PLCH1: variants seen among roughly 807,000 people sequenced by gnomAD.
PLCH1 encodes 1-phosphatidylinositol 4,5-bisphosphate phosphodiesterase eta-1.
A neutral mutation model predicts 126.7 loss-of-function variants in PLCH1; 60 were observed. That is an observed-to-expected ratio of 0.47 (90% CI 0.38 to 0.59). The LOEUF (loss-of-function observed/expected upper bound fraction) is 0.59. Ranked by LOEUF, PLCH1 falls within the 20% of genes least tolerant of loss-of-function variation. The pLI, the probability that PLCH1 is intolerant of heterozygous loss-of-function variation, is 0.00. For missense variants in PLCH1, 1,723 were observed against 2,040.0 expected (o/e 0.84, Z 2.99); for synonymous variants, 719 against 734.9 (o/e 0.98, Z 0.35).
At chr3:155,476,106 T>A (rs1020607347), downstream of PLCH1, among the ~76,000 whole-genome samples, 1 of 152,104 alleles carries the variant, frequency 6.6e-6, no homozygotes, top group Non-Finnish European at 1.5e-5. Context: ...AGAAAGATCA[T>A]TCATTATGAC....
At chr3:155,535,736 C>G (rs929256402) in intron 10 of PLCH1, among the ~76,000 whole-genome samples, 1 of 152,204 alleles carries the variant, frequency 6.6e-6, no homozygotes, top group Non-Finnish European at 1.5e-5. Flanking sequence ...CTCTTGGGAG[C>G]TCTATGGCCC....
intron 10 of PLCH1, among the ~76,000 whole-genome samples, chr3:155,539,784 G>C (rs934788930): frequency 1.3e-5 from 2 of 152,128 alleles, no homozygotes; most frequent in African/African-American, 4.8e-5. Flanking sequence ...AGGATGGGTA[G>C]AATCAATATT....
chr3:155,482,605 T>C lies in PLCH1; in HGVS notation c.3421A>G (p.Thr1141Ala). 1 of 1,614,216 alleles carries C rather than the reference T, an allele frequency of 6.2e-7. No individual in the cohort carries two copies. Among genetic ancestry groups the C allele is most frequent in the Non-Finnish European group, 8.5e-7 (1 of 1,180,034 alleles). ...GAGACGTCTGACAAAGAAAAGGATGTTGCAGCTCGGCCCTTACCCCTATTA... is the reference window on the plus strand; with the variant it reads ...GAGACGTCTGACAAAGAAAAGGATGCTGCAGCTCGGCCCTTACCCCTATTA... ...EGNRGKGRAA[T>A]SFSLSDVSML... Residue 1141 changes from threonine (T) to alanine (A), a missense_variant, in exon 23 of 23, where the codon ACA becomes GCA. Thr to Ala is a moderately conservative substitution (Grantham distance 58, BLOSUM62 0). Transcript: ENST00000460012.
chr3:155,670,759 T>C (rs17347992), intron 2 of PLCH1, among the ~76,000 whole-genome samples: 11,037 of 152,196 alleles, frequency 0.073, 426 homozygotes, highest in Middle Eastern at 0.11. Flanking sequence ...AAACTTACCA[T>C]GTTCTCACCT....
At chr3:155,713,989 CCTT>C (rs1747335018) in intron 1 of PLCH1, among the ~76,000 whole-genome samples, 3 of 152,264 alleles carry the variant, frequency 2.0e-5, no homozygotes, top group Middle Eastern at 6.8e-3. Context: ...GTGCTCATTT[CCTT>C]CTTCTTAAGC....
chr3:155,661,271 T>C (rs1314973866), intron 2 of PLCH1, among the ~76,000 whole-genome samples: 1 of 151,644 alleles, frequency 6.6e-6, no homozygotes, highest in Non-Finnish European at 1.5e-5. Flanking sequence ...GAGAGAGAGG[T>C]TGAACAGAGC....
At chr3:155,627,644 A>AC (rs11380002) in intron 2 of PLCH1, among the ~76,000 whole-genome samples, 3 of 151,104 alleles carry the variant, frequency 2.0e-5, no homozygotes, top group African/African-American at 4.9e-5. Flanking sequence ...AAAAAAAAAA[A>AC]AACAAATTGA....
Position 155,568,288 on chromosome 3 carries a change from T to C in PLCH1, c.808A>G (p.Ile270Val). 1 of 1,552,720 alleles carries C rather than the reference T, an allele frequency of 6.4e-7. No homozygotes were observed. Among genetic ancestry groups the C allele is most frequent in the Non-Finnish European group, 8.9e-7 (1 of 1,125,574 alleles). ...NVTTDYCLDI[I>V]KKFEVSEENK... is the part of the protein sequence containing the mutation. ...TCTTCTGAAACTTCAAACTTCTTTA[T>C]GATGTCAAGACAATAGTCCGTTGTC... is the stretch of plus-strand genomic sequence containing the variant. The change falls in exon 7 of 23, where the codon ATA (isoleucine) becomes GTA (valine). Residue 270 changes from isoleucine (I) to valine (V), a missense_variant. Around this residue, in one of 2 missense-constraint regions of PLCH1, gnomAD observed 776 missense variants for 1,062.9 expected, o/e 0.73. Coordinates refer to ENST00000460012, the MANE Select transcript of PLCH1 (RefSeq NM_014996.4).
chr3:155,460,790 A>T (rs1712685910), intron 21 of PLCH1, among the ~76,000 whole-genome samples: 1 of 27,896 alleles, frequency 3.6e-5, no homozygotes, highest in Non-Finnish European at 7.4e-5. Flanking sequence ...GATATAGAAG[A>T]TAGATAGATA....
Position 155,565,118 on chromosome 3 carries a change from C to G in PLCH1, c.866G>C (p.Gly289Ala), listed in dbSNP as rs374007841. Residue 289 changes from glycine to alanine, a missense_variant and splice_region_variant, in exon 8 of 23, where the codon GGC becomes GCC. Physicochemically the swap from Gly to Ala is moderately conservative, Grantham distance 60 (BLOSUM62 0). This residue lies in a region of PLCH1 where 776 missense variants were observed against 1,062.9 expected (regional missense o/e 0.73). Coordinates refer to ENST00000460012, the MANE Select transcript of PLCH1 (RefSeq NM_014996.4). ...NKVKNVLGIE[G>A]FTNFMRSPAC... ...AGGACTACGCATGAAGTTCGTGAAG[C>G]CTTTGGAAGAAAGAGAGTGACTTAC... The G allele has an allele frequency of 1.9e-5, 30 of 1,610,044 alleles. No homozygotes were observed. Among genetic ancestry groups the G allele is most frequent in the Non-Finnish European group, 2.3e-5 (27 of 1,176,598 alleles).
intron 2 of PLCH1, among the ~76,000 whole-genome samples, chr3:155,689,463 CAG>C (rs2060625468): frequency 1.3e-5 from 2 of 151,988 alleles, no homozygotes; most frequent in African/African-American, 4.8e-5. Context: ...TCTGGAGAAA[CAG>C]AGATATATGA....
At chr3:155,510,855 A>G (rs1448570883) in intron 12 of PLCH1, among the ~76,000 whole-genome samples, 4 of 91,238 alleles carry the variant, frequency 4.4e-5, no homozygotes, top group Non-Finnish European at 7.8e-5. Flanking sequence ...CTTCTCGAGG[A>G]GTATCTTTGT....
intron 10 of PLCH1, among the ~76,000 whole-genome samples, chr3:155,533,465 G>A (rs977213749): frequency 6.6e-6 from 1 of 152,222 alleles, no homozygotes; most frequent in Non-Finnish European, 1.5e-5. Context: ...AGAATTGCTT[G>A]AACTCAGGAG....
At chr3:155,738,372 T>C (rs1362502896) in intron 1 of PLCH1, among the ~76,000 whole-genome samples, 1 of 152,192 alleles carries the variant, frequency 6.6e-6, no homozygotes, top group African/African-American at 2.4e-5. Context: ...CCGGGAGTAG[T>C]GGCTCGTGCC....
At chr3:155,714,172 A>G (rs1040973156) in intron 1 of PLCH1, among the ~76,000 whole-genome samples, 1 of 152,208 alleles carries the variant, frequency 6.6e-6, no homozygotes, top group Non-Finnish European at 1.5e-5. Flanking sequence ...TATCCCTAAA[A>G]CTTGAGAATT....
chr3:155,542,061 G>A (rs113056427), intron 10 of PLCH1, among the ~76,000 whole-genome samples: 5,387 of 152,270 alleles, frequency 0.035, 249 homozygotes, highest in African/African-American at 0.11. Flanking sequence ...TGCACCATGC[G>A]CGAGCCGAAG....
intron 2 of PLCH1, chr3:155,676,139 A>G (rs1174639811): frequency 1.5e-6 from 2 of 1,373,730 alleles, no homozygotes; most frequent in Non-Finnish European, 9.5e-7. Flanking sequence ...GGTGGGGGGA[A>G]AAAAGGCAAA....
chr3:155,560,534 T>C (rs1341202270), intron 8 of PLCH1, among the ~76,000 whole-genome samples: 2 of 152,238 alleles, frequency 1.3e-5, no homozygotes, highest in Non-Finnish European at 2.9e-5. Flanking sequence ...ATTCAATTTG[T>C]AGTCATCCTA....
chr3:155,467,137 C>T (rs1712957616), intron 21 of PLCH1, among the ~76,000 whole-genome samples: 1 of 151,558 alleles, frequency 6.6e-6, no homozygotes, highest in African/African-American at 2.4e-5. Context: ...TATCCAAATA[C>T]AAAAGGTTAT....
Sources: gnomAD v4.1 joint callset for allele counts (sites outside exome capture counted in the v4.1 genomes callset) on GRCh38, gnomAD v4.1.1 for gene constraint, gnomAD v4.1.1 regional missense constraint, MANE v1.5 for transcripts, NCBI Gene and HGNC (gene_info 2026-07-23, HGNC 2026-07-21) for gene names.